SMC1B: variants seen among roughly 807,000 people sequenced by gnomAD.
SMC1B encodes structural maintenance of chromosomes protein 1B.
A neutral mutation model predicts 157.9 loss-of-function variants in SMC1B; 60 were observed. That is an observed-to-expected ratio of 0.38 (90% CI 0.31 to 0.47). SMC1B has a LOEUF of 0.47. Among genes scored for constraint, SMC1B ranks in the 20% least tolerant of loss-of-function variants. The pLI is 0.99. For missense variants in SMC1B, 1,165 were observed against 1,426.2 expected (o/e 0.82, Z 2.95); for synonymous variants, 445 against 483.0 (o/e 0.92, Z 1.03).
At chr22:45,407,626 A>G (rs2087277905) in intron 2 of SMC1B, among the ~76,000 whole-genome samples, 1 of 152,036 alleles carries the variant, frequency 6.6e-6, no homozygotes, top group Non-Finnish European at 1.5e-5. Flanking sequence ...ACACACAGCT[A>G]ATTGTAGAGA....
intron 15 of SMC1B, among the ~76,000 whole-genome samples, chr22:45,365,743 A>G (rs1158804253): frequency 6.6e-6 from 1 of 152,158 alleles, no homozygotes; most frequent in Non-Finnish European, 1.5e-5. Context: ...ATTTTTCTAC[A>G]CTAGTAGAAA....
At chr22:45,402,610 T>C (rs1412186355) in intron 4 of SMC1B, 39 bp from the exon 5 acceptor site, 3 of 1,442,352 alleles carry the variant, frequency 2.1e-6, no homozygotes, top group African/African-American at 1.4e-5. Flanking sequence ...TAAAAGGGAG[T>C]GTATTTAAGT....
intron 15 of SMC1B, among the ~76,000 whole-genome samples, chr22:45,363,385 A>G (rs1191727050): frequency 6.6e-6 from 1 of 152,220 alleles, no homozygotes; most frequent in African/African-American, 2.4e-5. Flanking sequence ...TTTCCTTTTT[A>G]AAAATTTTCT....
At chr22:45,359,161 C>A (rs1310886237) in intron 18 of SMC1B, among the ~76,000 whole-genome samples, 1 of 152,174 alleles carries the variant, frequency 6.6e-6, no homozygotes, top group African/African-American at 2.4e-5. Flanking sequence ...AGGTCATATA[C>A]CAAAACTATG....
chr22:45,393,399 A>G (rs1219276431), intron 9 of SMC1B, among the ~76,000 whole-genome samples: 2 of 152,192 alleles, frequency 1.3e-5, no homozygotes, highest in African/African-American at 4.8e-5. Context: ...TACTATGTTC[A>G]TGTCAAGCTT....
chr22:45,358,338 T>A (rs1417804412), intron 19 of SMC1B, among the ~76,000 whole-genome samples: 2 of 152,212 alleles, frequency 1.3e-5, no homozygotes, highest in African/African-American at 4.8e-5. Context: ...CAACTGGCCA[T>A]GAGTCTGGGA....
intron 2 of SMC1B, among the ~76,000 whole-genome samples, chr22:45,407,229 A>G (rs1403412692): frequency 6.6e-6 from 1 of 152,212 alleles, no homozygotes; most frequent in Non-Finnish European, 1.5e-5. Context: ...GGTAGCTGTA[A>G]AGATTGAAAA....
intron 11 of SMC1B, among the ~76,000 whole-genome samples, chr22:45,384,694 T>C (rs1306584401): frequency 6.6e-6 from 1 of 150,432 alleles, no homozygotes; most frequent in Admixed American, 6.7e-5. Flanking sequence ...CACTCCAGCC[T>C]GGGTGACAGA....
chr22:45,406,800 C>A lies in SMC1B; in HGVS notation c.364G>T (p.Glu122Ter). ...GCTTTGACTATTATGCCTATCTTTT[C>A]CAACTCTGCAATGTAAACAGAACGA... is the stretch of plus-strand genomic sequence containing the variant. ...VSRSVYIAEL[E>*]KIGIIVKAQN... The change falls in exon 3 of 25, where the codon GAA (glutamate) becomes TAA (stop). Residue 122 changes from glutamate (E) to a stop codon, truncating the protein, a stop_gained. Coordinates refer to ENST00000357450, the MANE Select transcript of SMC1B (RefSeq NM_148674.5). LOFTEE classifies it high-confidence loss of function. 2 of 1,598,794 alleles carry A rather than the reference C, an allele frequency of 1.3e-6. No homozygotes were observed. The highest frequency in any genetic ancestry group is 1.7e-6 in the Non-Finnish European group (2 of 1,176,324).
At chr22:45,380,329 G>A (rs560047076) in intron 12 of SMC1B, among the ~76,000 whole-genome samples, 10 of 152,214 alleles carry the variant, frequency 6.6e-5, no homozygotes, top group South Asian at 2.1e-4. Context: ...CCCACCAAAC[G>A]TACGTGAAAC....
At position 45,413,485 on chromosome 22, in the gene SMC1B, G is replaced by A. The variant is rs8137437; in HGVS notation, c.83C>T (p.Thr28Ile). 2.4e-4 allele frequency: 393 copies of A among 1,610,400 alleles called. 5 individuals carry two copies. The South Asian group carries it at 3.3e-3, about 14-fold the overall frequency. The change falls in exon 1 of 25, where the codon ACC becomes ATC. Residue 28 changes from threonine to isoleucine, a missense_variant. Physicochemically the swap from Thr to Ile is moderately conservative, Grantham distance 89. Transcript: ENST00000357450. ...RQVIGPFRRF[T>I]CIIGPNGSGK... ...AGAGCCGTTGGGGCCGATGATGCAG[G>A]TGAACCTCCGGAAGGGGCCAATGAC...
chr22:45,345,358 G>T, intron 24 of SMC1B, 101 bp downstream of exon 24: 1 of 631,062 alleles, frequency 1.6e-6, no homozygotes, highest in South Asian at 2.1e-5. Flanking sequence ...TTCAGCATTA[G>T]ACTCCATTTG....
intron 11 of SMC1B, among the ~76,000 whole-genome samples, chr22:45,383,925 A>AGC (rs1481012439): frequency 6.6e-6 from 1 of 152,220 alleles, no homozygotes; most frequent in Non-Finnish European, 1.5e-5. Context: ...TACACATATC[A>AGC]TTTCATATAC....
chr22:45,350,565 C>T (rs541281473), intron 22 of SMC1B, among the ~76,000 whole-genome samples: 1 of 152,086 alleles, frequency 6.6e-6, no homozygotes, highest in East Asian at 1.9e-4. Context: ...CGTGAGCCAC[C>T]GCGCCCGGCC....
intron 15 of SMC1B, among the ~76,000 whole-genome samples, chr22:45,363,889 C>G (rs2086746692): frequency 6.6e-6 from 1 of 150,600 alleles, no homozygotes; most frequent in African/African-American, 2.4e-5. Context: ...CACTCTGTTG[C>G]TCAGGCTGGA....
intron 4 of SMC1B, among the ~76,000 whole-genome samples, chr22:45,404,682 C>A (rs1333628200): frequency 9.1e-6 from 1 of 110,346 alleles, no homozygotes; most frequent in Non-Finnish European, 1.7e-5. Flanking sequence ...TTTGAATCCA[C>A]CTATAACCTG....
intron 6 of SMC1B, among the ~76,000 whole-genome samples, chr22:45,397,566 A>T (rs759737144): frequency 2.0e-5 from 3 of 152,202 alleles, no homozygotes; most frequent in African/African-American, 4.8e-5. Context: ...TCCACAGACA[A>T]GACTGAGAAA....
chr22:45,367,396 C>T (rs540811879), intron 15 of SMC1B, among the ~76,000 whole-genome samples: 1 of 152,270 alleles, frequency 6.6e-6, no homozygotes, highest in Admixed American at 6.5e-5. Context: ...GCCTATCTTG[C>T]ATGGGGGAGA....
intron 4 of SMC1B, among the ~76,000 whole-genome samples, chr22:45,404,775 T>C (rs960120370): frequency 1.3e-5 from 2 of 152,214 alleles, no homozygotes; most frequent in African/African-American, 4.8e-5. Context: ...CCCCCTAAAA[T>C]GTATAAAACC....
Sources: gnomAD v4.1 joint callset for allele counts (sites outside exome capture counted in the v4.1 genomes callset) on GRCh38, gnomAD v4.1.1 for gene constraint, MANE v1.5 for transcripts, NCBI Gene and HGNC (gene_info 2026-07-23, HGNC 2026-07-21) for gene names.